The following KLF12 variants were observed in gnomAD, a reference collection of about 807,000 sequenced individuals.
The protein encoded by KLF12 is Krueppel-like factor 12.
A neutral mutation model predicts 37.8 loss-of-function variants in KLF12; 9 were observed. The observed-to-expected ratio is 0.24, with a 90% CI of 0.14 to 0.42. The LOEUF (loss-of-function observed/expected upper bound fraction) is 0.42, where lower values mean the gene tolerates loss of function less well. KLF12 is among the 10% of genes least tolerant of loss of function. KLF12 has a pLI of 1.00. For synonymous variants in KLF12, 208 were observed against 202.1 expected (o/e 1.03, Z -0.25); for missense variants, 411 against 516.0 (o/e 0.80, Z 1.97).
In KLF12 at chr13:73,935,271, G is replaced by A. The variant is rs180700853; in HGVS notation, c.123+8710C>T. 1.4e-3 allele frequency among the ~76,000 whole-genome samples: 206 copies of A among 152,298 alleles called. 2 individuals carry two copies. The highest frequency in any genetic ancestry group is 4.7e-3 in the African/African-American group (197 of 41,572). On this transcript the variant is annotated intron_variant, in intron 3 of 7. Coordinates refer to ENST00000377669, the MANE Select transcript of KLF12 (RefSeq NM_007249.5). ...CCCAAAGTGCTGGGATTACAGGCAT[G>A]AGCCATCGTGCCCGGCCTACTTTGG...
chr13:73,868,599 C>G (rs766775327), intron 3 of KLF12, among the ~76,000 whole-genome samples: 8 of 151,966 alleles, frequency 5.3e-5, no homozygotes, highest in Non-Finnish European at 1.0e-4. Context: ...CCATATTGGC[C>G]AGGCTGGTCT....
At chr13:74,115,269 C>T (rs1320866797) in intron 1 of KLF12, among the ~76,000 whole-genome samples, 2 of 152,160 alleles carry the variant, frequency 1.3e-5, no homozygotes, top group African/African-American at 4.8e-5. Context: ...TCACATAATA[C>T]ATTGCCCATA....
chr13:74,226,561 T>C, the KLF12 span, among the ~76,000 whole-genome samples: 1 of 152,126 alleles, frequency 6.6e-6, no homozygotes, highest in Admixed American at 6.6e-5. Context: ...CATTAACAAA[T>C]AGATCATTAT....
intron 1 of KLF12, among the ~76,000 whole-genome samples, chr13:74,063,678 A>G (rs1489858559): frequency 6.6e-6 from 1 of 152,236 alleles, no homozygotes; most frequent in Non-Finnish European, 1.5e-5. Flanking sequence ...AGCAAACTTT[A>G]GTGATTAATA....
rs1345536216 is a variant in KLF12 at position 73,688,586 on chromosome 13, T to C, written c.*6904A>G. 6.6e-6 allele frequency: 1 copy of C among 152,178 alleles called. No individual in the cohort carries two copies. The highest frequency in any genetic ancestry group is 1.9e-4 in the East Asian group (1 of 5,198). The allele number at this position is 152,178 out of a possible 1,614,324, so 9.4% of individuals were successfully genotyped here. On this transcript the variant is annotated 3_prime_UTR_variant, in exon 8 of 8. Coordinates refer to ENST00000377669, the MANE Select transcript of KLF12 (RefSeq NM_007249.5). ...ATGCTACTAAGTATTTGGATGATTT[T>C]GGAGCTCCAGGCCAGACATTTATGA...
intron 3 of KLF12, among the ~76,000 whole-genome samples, chr13:73,933,858 T>C (rs1036944816): frequency 2.9e-5 from 4 of 139,512 alleles, no homozygotes; most frequent in Non-Finnish European, 6.2e-5. Context: ...AAAGAACATA[T>C]AACATAAAAT....
At chr13:74,211,391 G>A in the KLF12 span, among the ~76,000 whole-genome samples, 1 of 152,074 alleles carries the variant, frequency 6.6e-6, no homozygotes, top group Admixed American at 6.6e-5. Context: ...AGACCTCCCT[G>A]AATGGCTGTG....
chr13:73,854,421 T>C (rs1301782055), intron 3 of KLF12, among the ~76,000 whole-genome samples: 1 of 152,228 alleles, frequency 6.6e-6, no homozygotes, highest in African/African-American at 2.4e-5. Flanking sequence ...TCTCATAGTA[T>C]TGAAGTATAT....
intron 6 of KLF12, among the ~76,000 whole-genome samples, chr13:73,752,726 ATATATT>A (rs1433403597): frequency 4.6e-5 from 5 of 108,136 alleles, no homozygotes; most frequent in Middle Eastern, 4.4e-3. Flanking sequence ...CCTTCCACAT[ATATATT>A]TTTTTTTTTT....
the KLF12 span, among the ~76,000 whole-genome samples, chr13:74,186,623 G>T: frequency 6.6e-6 from 1 of 152,284 alleles, no homozygotes; most frequent in South Asian, 2.1e-4. Context: ...AAGGTGGTGT[G>T]TGAGACTTTA....
intron 3 of KLF12, among the ~76,000 whole-genome samples, chr13:73,870,838 C>T (rs1275185300): frequency 3.9e-5 from 6 of 152,226 alleles, no homozygotes; most frequent in Admixed American, 3.9e-4. Flanking sequence ...GGGCCTTCTA[C>T]TCTCCAGATT....
chr13:74,057,045 G>A (rs1873285661), intron 1 of KLF12, among the ~76,000 whole-genome samples: 3 of 152,208 alleles, frequency 2.0e-5, no homozygotes, highest in African/African-American at 7.2e-5. Context: ...TCTGCAGTGA[G>A]AGACAGAGAG....
intron 3 of KLF12, among the ~76,000 whole-genome samples, chr13:73,938,840 G>C (rs1282211329): frequency 6.6e-6 from 1 of 152,124 alleles, no homozygotes; most frequent in Non-Finnish European, 1.5e-5. Flanking sequence ...GATATTTCCT[G>C]GTAGTTAAGG....
chr13:73,834,202 T>C (rs188967348), intron 4 of KLF12, among the ~76,000 whole-genome samples: 61 of 152,292 alleles, frequency 4.0e-4, no homozygotes, highest in African/African-American at 1.4e-3. Flanking sequence ...AACCACATTA[T>C]ATAAGCACCA....
At chr13:73,792,379 AT>A (rs1473267834) in intron 5 of KLF12, among the ~76,000 whole-genome samples, 1 of 152,140 alleles carries the variant, frequency 6.6e-6, no homozygotes, top group African/African-American at 2.4e-5. Flanking sequence ...CTAAAATCTT[AT>A]TTTTTGTGGT....
intron 2 of KLF12, among the ~76,000 whole-genome samples, chr13:73,976,335 A>G (rs142648591): frequency 5.4e-4 from 82 of 152,338 alleles, no homozygotes; most frequent in African/African-American, 1.9e-3. Flanking sequence ...CGAAGTTGAC[A>G]AATGATCATT....
chr13:73,975,599 C>T (rs530672382), intron 2 of KLF12, among the ~76,000 whole-genome samples: 21 of 152,284 alleles, frequency 1.4e-4, no homozygotes, highest in African/African-American at 4.8e-4. Flanking sequence ...CAAATCTCAT[C>T]ATCTCCATTT....
At chr13:73,980,877 A>G (rs1891672772) in intron 2 of KLF12, among the ~76,000 whole-genome samples, 1 of 152,200 alleles carries the variant, frequency 6.6e-6, no homozygotes, top group Admixed American at 6.5e-5. Flanking sequence ...GAACTGTTGC[A>G]GGCTGGGCAC....
At chr13:74,266,265 A>T in the KLF12 span, among the ~76,000 whole-genome samples, 224 of 152,290 alleles carry the variant, frequency 1.5e-3, no homozygotes, top group Middle Eastern at 3.4e-3. Context: ...AATCAAAGTT[A>T]TGACCTCTCC....
Sources: gnomAD v4.1 joint callset for allele counts (sites outside exome capture counted in the v4.1 genomes callset) on GRCh38, gnomAD v4.1.1 for gene constraint, MANE v1.5 for transcripts, NCBI Gene and HGNC (gene_info 2026-07-23, HGNC 2026-07-21) for gene names.